TIAM1: variants seen among roughly 807,000 people sequenced by gnomAD.
The protein encoded by TIAM1 is rho guanine nucleotide exchange factor TIAM1.
A neutral mutation model predicts 163.5 loss-of-function variants in TIAM1; 65 were observed. That is an observed-to-expected ratio of 0.40 (90% CI 0.33 to 0.49). The LOEUF is 0.49. Among genes scored for constraint, TIAM1 ranks in the 20% least tolerant of loss-of-function variants. The pLI, the probability that TIAM1 is intolerant of heterozygous loss-of-function variation, is 0.77. For synonymous variants in TIAM1, 833 were observed against 810.1 expected (o/e 1.03, Z -0.48); for missense variants, 1,789 against 2,044.7 (o/e 0.87, Z 2.41).
chr21:31,532,647 G>A (rs2048007015), intron 1 of TIAM1, among the ~76,000 whole-genome samples: 1 of 152,114 alleles, frequency 6.6e-6, no homozygotes, highest in Non-Finnish European at 1.5e-5. Context: ...AAACCACTTA[G>A]CCTTGTACTT....
At chr21:31,255,282 C>T (rs1246682685) in intron 4 of TIAM1, among the ~76,000 whole-genome samples, 1 of 152,206 alleles carries the variant, frequency 6.6e-6, no homozygotes, top group Non-Finnish European at 1.5e-5. Context: ...CAGTGGTACA[C>T]ATGCCCCCAC....
intron 4 of TIAM1, among the ~76,000 whole-genome samples, chr21:31,256,771 G>A (rs2072134708): frequency 6.6e-6 from 1 of 152,120 alleles, no homozygotes. Flanking sequence ...GTATAATGGG[G>A]AGAGCAACAC....
chr21:31,120,754 C>A lies in TIAM1; in HGVS notation c.4390G>T (p.Ala1464Ser), dbSNP rs754307192. ...TGGGACTCTTTCTCCGGGCTGCTTG[C>A]GGAGACGGCATCAGAATCAATGGTA... ...RFTIDSDAVS[A>S]SSPEKESQQP... is the part of the protein sequence containing the mutation. The change falls in exon 28 of 28, where the codon GCA becomes TCA. Residue 1464 changes from alanine to serine, a missense_variant. This residue lies in a region of TIAM1 where 415 missense variants were observed against 439.2 expected (regional missense o/e 0.94). Transcript: ENST00000541036. The surrounding 1 kb of genome is among the most constrained non-coding windows in gnomAD (Gnocchi z 4.2). 3.7e-6 allele frequency: 6 copies of A among 1,614,060 alleles called. No homozygotes were observed. The South Asian group carries it at 4.4e-5, about 12-fold the overall frequency.
chr21:31,219,755 A>AACG (rs2087447068), intron 8 of TIAM1, among the ~76,000 whole-genome samples: 1 of 152,106 alleles, frequency 6.6e-6, no homozygotes, highest in African/African-American at 2.4e-5. Context: ...AAAACAAAAA[A>AACG]AAACCCCAGA....
intron 2 of TIAM1, among the ~76,000 whole-genome samples, chr21:31,398,126 T>C (rs2077103898): frequency 8.7e-6 from 1 of 115,420 alleles, no homozygotes; most frequent in African/African-American, 3.4e-5. Context: ...AGGAAGTGCC[T>C]AATCTCTGCA....
chr21:31,231,354 A>AGT lies in TIAM1; in HGVS notation c.1585-5406_1585-5405dup, dbSNP rs1455406012. Among the ~76,000 whole-genome samples the AGT allele has an allele frequency of 1.1e-4, 16 of 152,090 alleles. 1 individual carries two copies. Among genetic ancestry groups the AGT allele is most frequent in the Non-Finnish European group, 1.5e-5 (1 of 68,024 alleles). On this transcript the variant is annotated intron_variant, in intron 6 of 27. Transcript: ENST00000541036. ...ACAGGGGATGCCTCAAACATAACGG[A>AGT]GTCTGTGTAGTGCACTTGGAACCCC...
chr21:31,405,198 T>C (rs1056273115), intron 2 of TIAM1, among the ~76,000 whole-genome samples: 6 of 152,140 alleles, frequency 3.9e-5, no homozygotes, highest in African/African-American at 1.2e-4. Flanking sequence ...CAGTGAGCCA[T>C]GATCATGCCA....
chr21:31,240,999 A>C (rs900643559), intron 6 of TIAM1, among the ~76,000 whole-genome samples: 1 of 152,140 alleles, frequency 6.6e-6, no homozygotes, highest in African/African-American at 2.4e-5. Flanking sequence ...CGTGATAGTA[A>C]GTCTCATGAA....
chr21:31,316,934 C>A (rs1042350563), intron 2 of TIAM1, among the ~76,000 whole-genome samples: 1 of 152,136 alleles, frequency 6.6e-6, no homozygotes, highest in Non-Finnish European at 1.5e-5. Flanking sequence ...GTAAGTCTAC[C>A]TAACTCAAAT....
chr21:31,487,895 T>C (rs982249797), intron 1 of TIAM1, among the ~76,000 whole-genome samples: 4 of 152,050 alleles, frequency 2.6e-5, no homozygotes, highest in African/African-American at 9.7e-5. Flanking sequence ...TTTCGCCATG[T>C]TGGCCAGGCT....
rs544997748 is a variant in TIAM1 at position 31,409,000 on chromosome 21, C to G, written c.-369+54983G>C. ...CACCTGTGTCACCCACATGCCCCCC[C>G]CTCCAGGCTTCATCAGTGCGGTGGG... On this transcript the variant is annotated intron_variant, in intron 2 of 28. Transcript: ENST00000286827. 7.2e-5 allele frequency among the ~76,000 whole-genome samples: 11 copies of G among 152,262 alleles called. No individual in the cohort carries two copies. In the South Asian group the frequency reaches 8.3e-4, roughly 11 times the overall value.
intron 27 of TIAM1, among the ~76,000 whole-genome samples, chr21:31,122,523 C>CAGATGAG (rs1302339535): frequency 1.3e-5 from 2 of 152,058 alleles, no homozygotes; most frequent in Non-Finnish European, 2.9e-5. Flanking sequence ...TGGATTCTAA[C>CAGATGAG]AGATGAGTGA....
intron 2 of TIAM1, among the ~76,000 whole-genome samples, chr21:31,389,706 T>A (rs183706459): frequency 4.6e-5 from 7 of 152,356 alleles, no homozygotes; most frequent in African/African-American, 1.7e-4. Context: ...TTTAATCTCT[T>A]ATTTTCAACC....
chr21:31,353,294 C>T (rs2076264063), intron 2 of TIAM1, among the ~76,000 whole-genome samples: 1 of 151,984 alleles, frequency 6.6e-6, no homozygotes, highest in South Asian at 2.1e-4. Flanking sequence ...TCAGGTGTAC[C>T]CTCAACTCGC....
At chr21:31,523,996 G>A (rs560881131) in intron 1 of TIAM1, among the ~76,000 whole-genome samples, 60 of 148,028 alleles carry the variant, frequency 4.1e-4, no homozygotes, top group East Asian at 2.3e-4. Context: ...CAGCCTGGGT[G>A]ACGAAGCCAG....
intron 4 of TIAM1, among the ~76,000 whole-genome samples, chr21:31,265,097 C>T (rs900291638): frequency 4.6e-5 from 7 of 152,086 alleles, no homozygotes; most frequent in African/African-American, 1.7e-4. Context: ...CTGCGTCAGC[C>T]ACCAAGCCGG....
chr21:31,333,438 CT>C (rs1222576470), intron 2 of TIAM1, among the ~76,000 whole-genome samples: 2 of 152,092 alleles, frequency 1.3e-5, no homozygotes, highest in Admixed American at 6.6e-5. Context: ...TATGAACTCT[CT>C]TTTTGTTTTT....
At chr21:31,300,613 A>G (rs963871359) in intron 2 of TIAM1, among the ~76,000 whole-genome samples, 1 of 152,242 alleles carries the variant, frequency 6.6e-6, no homozygotes, top group African/African-American at 2.4e-5. Context: ...TAATACATCA[A>G]TTCTCTAGCT....
In TIAM1 at chr21:31,233,534, A is replaced by G. The variant is rs542339016; in HGVS notation, c.1585-7584T>C. Among the ~76,000 whole-genome samples, 11 of 152,274 alleles carry G rather than the reference A, an allele frequency of 7.2e-5. No homozygotes were observed. The East Asian group carries it at 1.9e-3, about 27-fold the overall frequency. On this transcript the variant is annotated intron_variant, in intron 6 of 27. Transcript: ENST00000541036. ...ATCCTGACCAACATGGTGAAAGTCC[A>G]TCTCTACTAAAAATACAAAAATTAG...
Sources: gnomAD v4.1 joint callset for allele counts (sites outside exome capture counted in the v4.1 genomes callset) on GRCh38, gnomAD v4.1.1 for gene constraint, gnomAD v4.1.1 regional missense constraint, Gnocchi (gnomAD v3.1) non-coding constraint, MANE v1.5 for transcripts, NCBI Gene and HGNC (gene_info 2026-07-23, HGNC 2026-07-21) for gene names.